KLHL22: variants seen among roughly 807,000 people sequenced by gnomAD.
KLHL22 encodes the protein kelch like family member 22.
A neutral mutation model predicts 60.7 loss-of-function variants in KLHL22; 18 were observed. The observed-to-expected ratio is 0.30, with a 90% CI of 0.20 to 0.44. KLHL22 has a LOEUF of 0.44. Among genes scored for constraint, KLHL22 ranks in the 20% least tolerant of loss-of-function variants. KLHL22 has a pLI of 1.00. For synonymous variants in KLHL22, 355 were observed against 354.5 expected, an observed-to-expected ratio of 1.00 and a Z score of -0.01; for missense variants, 596 against 852.3, an observed-to-expected ratio of 0.70 and a Z score of 3.74.
At chr22:20,459,409 G>A (rs2053118177) in intron 4 of KLHL22, among the ~76,000 whole-genome samples, 1 of 152,158 alleles carries the variant, frequency 6.6e-6, no homozygotes, top group Non-Finnish European at 1.5e-5. Flanking sequence ...ACACACCTGG[G>A]TCTCCCTGAC....
chr22:20,493,147 C>A (rs780785105), intron 1 of KLHL22: 1 of 471,190 alleles, frequency 2.1e-6, no homozygotes, highest in South Asian at 1.5e-5. Context: ...TGGATCCTCA[C>A]CTTCCGTGAG....
chr22:20,488,647 C>G (rs1299717745), intron 2 of KLHL22: 8 of 263,122 alleles, frequency 3.0e-5, no homozygotes, highest in Non-Finnish European at 4.9e-5. Context: ...GATGCATACA[C>G]AGCAATAATT....
At chr22:20,492,030 T>C (rs1379062290) in intron 1 of KLHL22, 1 of 152,284 alleles carries the variant, frequency 6.6e-6, no homozygotes, top group Non-Finnish European at 1.5e-5. Flanking sequence ...TGCTCTATGA[T>C]AATTCTCCCT....
rs2052760777 is a variant in KLHL22 at position 20,441,740 on chromosome 22, C to G, written c.*333G>C. ...CTACCACGTGCCTCAGCCCCCCTGC[C>G]CAGGCTGCCAGCTCCCAGGTCCTTT... On this transcript the variant is annotated 3_prime_UTR_variant, in exon 7 of 7. Transcript: ENST00000328879. The G allele has an allele frequency of 3.9e-6, 1 of 258,460 alleles. No homozygotes were observed. Among genetic ancestry groups the G allele is most frequent in the African/African-American group, 2.2e-5 (1 of 45,168 alleles). The allele number at this position is 258,460 out of a possible 1,614,324, so 16.0% of individuals were successfully genotyped here. A position where few individuals can be genotyped will look rare whatever the true frequency, so the allele number is the denominator to read the frequency against.
In KLHL22 at chr22:20,483,030, C is replaced by T. The variant is rs139997916; in HGVS notation, c.227+5955G>A. ...TTCACCAGGGCGTCCTACTCCTAGGCCTGGCACTGTCCCTCTGCCCGGATT... is the reference window on the plus strand; with the variant it reads ...TTCACCAGGGCGTCCTACTCCTAGGTCTGGCACTGTCCCTCTGCCCGGATT... On this transcript the variant is annotated intron_variant, in intron 2 of 6. Coordinates refer to ENST00000328879, the MANE Select transcript of KLHL22 (RefSeq NM_032775.4). 288 of 674,894 alleles carry T rather than the reference C, an allele frequency of 4.3e-4. No individual in the cohort carries two copies. In the African/African-American group the frequency reaches 4.3e-3, roughly 10 times the overall value. 41.8% of individuals were successfully genotyped at this position (674,894 alleles called of 1,614,324 possible).
At chr22:20,479,331 T>C (rs1164951697) in intron 2 of KLHL22, among the ~76,000 whole-genome samples, 1 of 152,148 alleles carries the variant, frequency 6.6e-6, no homozygotes, top group Non-Finnish European at 1.5e-5. Context: ...TTAAAAGTTT[T>C]AAAAAGTTGT....
rs1418212345 is a variant in KLHL22, at chr22:20,488,857, A to T, written c.227+128T>A. 10 of 824,632 alleles carry T rather than the reference A, an allele frequency of 1.2e-5. No individual in the cohort carries two copies. The East Asian group carries it at 2.7e-4, about 22-fold the overall frequency. The allele number at this position is 824,632 out of a possible 1,614,324, so 51.1% of individuals were successfully genotyped here. ...GTCTCTCACACTTGTTGACTAAGTC[A>T]TAGCCACAAGGAGTAGGGGAGGCTC... On this transcript the variant is annotated intron_variant, in intron 2 of 6. Transcript: ENST00000328879.
chr22:20,493,737 G>A (rs757422474), intron 1 of KLHL22, among the ~76,000 whole-genome samples: 7 of 152,030 alleles, frequency 4.6e-5, no homozygotes, highest in South Asian at 2.1e-4. Flanking sequence ...GCGAGACTCC[G>A]TCTCAAAAAC....
At chr22:20,460,002 T>C (rs547106525) in intron 4 of KLHL22, among the ~76,000 whole-genome samples, 7 of 152,034 alleles carry the variant, frequency 4.6e-5, no homozygotes, top group South Asian at 4.1e-4. Context: ...GTCTGAGACC[T>C]GCATGACCTG....
At chr22:20,485,659 G>C (rs954543707) in intron 2 of KLHL22, among the ~76,000 whole-genome samples, 2 of 152,198 alleles carry the variant, frequency 1.3e-5, no homozygotes, top group Non-Finnish European at 2.9e-5. Context: ...CCTGAGGTCA[G>C]GAGTTGGAGA....
At chr22:20,482,799 C>A in intron 2 of KLHL22, 1 of 1,192,836 alleles carries the variant, frequency 8.4e-7, no homozygotes, top group South Asian at 1.2e-5. Context: ...CCAAAGGATA[C>A]CCTGCTTCTG....
At position 20,468,390 on chromosome 22, in the gene KLHL22, C is replaced by T. The variant is rs193067545; in HGVS notation, c.394-2814G>A. Among the ~76,000 whole-genome samples the T allele has an allele frequency of 4.6e-3, 696 of 152,316 alleles. 8 individuals carry two copies. Among genetic ancestry groups the T allele is most frequent in the African/African-American group, 0.016 (670 of 41,576 alleles). ...CAGTGAAATCTCACAGAGGAACCAGCCTGGGCTCAGGATGTGCAAAAGCCC... is the reference window on the plus strand; with the variant it reads ...CAGTGAAATCTCACAGAGGAACCAGTCTGGGCTCAGGATGTGCAAAAGCCC... On this transcript the variant is annotated intron_variant, in intron 3 of 6. Coordinates refer to ENST00000328879, the MANE Select transcript of KLHL22 (RefSeq NM_032775.4).
intron 2 of KLHL22, among the ~76,000 whole-genome samples, chr22:20,481,634 G>T (rs149521281): frequency 6.2e-4 from 94 of 152,160 alleles, no homozygotes; most frequent in African/African-American, 2.2e-3. Context: ...TTGCTCTGTC[G>T]CGCAAGCTGG....
intron 3 of KLHL22, among the ~76,000 whole-genome samples, chr22:20,467,208 C>A (rs1215621260): frequency 6.6e-6 from 1 of 152,210 alleles, no homozygotes; most frequent in Non-Finnish European, 1.5e-5. Context: ...GAACCCAAAC[C>A]AGGCCCTTGA....
At chr22:20,479,820 T>C (rs1254191599) in intron 2 of KLHL22, among the ~76,000 whole-genome samples, 1 of 152,180 alleles carries the variant, frequency 6.6e-6, no homozygotes, top group East Asian at 1.9e-4. Flanking sequence ...CTCAGAAAAT[T>C]GTCAATAGAA....
chr22:20,488,585 T>G (rs1449422507), intron 2 of KLHL22: 7 of 214,766 alleles, frequency 3.3e-5, no homozygotes, highest in Non-Finnish European at 5.6e-5. Context: ...CAGAGCTCAC[T>G]GGGAGGGCCA....
chr22:20,486,579 C>G (rs1428354891), intron 2 of KLHL22, among the ~76,000 whole-genome samples: 1 of 152,166 alleles, frequency 6.6e-6, no homozygotes, highest in Non-Finnish European at 1.5e-5. Context: ...CACATATTTA[C>G]CAGTCATACT....
At position 20,495,190 on chromosome 22, in the gene KLHL22, C is replaced by A. The variant is rs935747844; in HGVS notation, c.-34+570G>T. 6.6e-6 allele frequency among the ~76,000 whole-genome samples: 1 copy of A among 152,134 alleles called. No individual in the cohort carries two copies. The highest frequency in any genetic ancestry group is 1.5e-5 in the Non-Finnish European group (1 of 68,020). ...CAGATCCACTCGGCTCGGCCCGCAC[C>A]GGATCTAAAATGGTCAGAACTGGCA... On this transcript the variant is annotated intron_variant, in intron 1 of 6. Coordinates refer to ENST00000328879, the MANE Select transcript of KLHL22 (RefSeq NM_032775.4). This position sits in a 1 kb window ranked among gnomAD's most constrained non-coding sequence, Gnocchi z 4.6.
In KLHL22 at chr22:20,446,452, G is replaced by A. The variant is rs759003865; in HGVS notation, c.1530C>T (p.Asp510=). 113 of 1,602,970 alleles carry A rather than the reference G, an allele frequency of 7.0e-5. No individual in the cohort carries two copies. Among genetic ancestry groups the A allele is most frequent in the Middle Eastern group, 1.6e-4 (1 of 6,074 alleles). Residue 510 remains aspartate (D), a synonymous_variant, in exon 6 of 7, where the codon GAC becomes GAT. Coordinates refer to ENST00000328879, the MANE Select transcript of KLHL22 (RefSeq NM_032775.4). ...CCCGGGCCCCACTCACCTGGTGCAC[G>A]TCCCTCCTGTATCCGGCATCGTTGT... The part of the protein sequence containing the change: ...GSNNDAGYRR[D]VHQVACYSCT...
Sources: gnomAD v4.1 joint callset for allele counts (sites outside exome capture counted in the v4.1 genomes callset) on GRCh38, gnomAD v4.1.1 for gene constraint, Gnocchi (gnomAD v3.1) non-coding constraint, MANE v1.5 for transcripts, NCBI Gene and HGNC (gene_info 2026-07-23, HGNC 2026-07-21) for gene names.